Variants in OVCH1 observed in about 807,000 individuals in gnomAD.
OVCH1 encodes the protein ovochymase 1.
In OVCH1, 139 loss-of-function variants were observed where a neutral mutation model predicts 138.4. The observed-to-expected ratio is 1.00, with a 90% CI of 0.87 to 1.16. OVCH1 has a LOEUF of 1.16. Among genes scored for constraint, OVCH1 ranks in the 50% most tolerant of loss-of-function variants. The pLI is 0.00. For synonymous variants in OVCH1, 453 were observed against 467.8 expected (o/e 0.97, Z 0.41); for missense variants, 1,367 against 1,357.9 (o/e 1.01, Z -0.11).
chr12:29,473,841 TA>T (rs1245345014), intron 14 of OVCH1, among the ~76,000 whole-genome samples: 1 of 152,116 alleles, frequency 6.6e-6, no homozygotes, highest in Non-Finnish European at 1.5e-5. Context: ...GGGCACAATC[TA>T]ATCAGCTTCC....
At chr12:29,426,335 GT>G (rs1386442873), downstream of OVCH1, among the ~76,000 whole-genome samples, 2 of 152,144 alleles carry the variant, frequency 1.3e-5, no homozygotes, top group African/African-American at 4.8e-5. Context: ...ACTTACATTA[GT>G]TTTAGTTTGT....
At chr12:29,476,988 G>A in intron 12 of OVCH1, 114 bp downstream of exon 12, 1 of 1,251,588 alleles carries the variant, frequency 8.0e-7, no homozygotes, top group Non-Finnish European at 1.1e-6. Context: ...AATGGCAAAT[G>A]GCTAAAAGAA....
chr12:29,465,482 A>G lies in OVCH1; in HGVS notation c.1857-263T>C, dbSNP rs74530441. ...CAGAAGAGAGAGAGCAAAGGAAGCCACACACTTTTGAACCATCAGATCTTG... is the reference window on the plus strand; with the variant it reads ...CAGAAGAGAGAGAGCAAAGGAAGCCGCACACTTTTGAACCATCAGATCTTG... On this transcript the variant is annotated intron_variant, in intron 16 of 27. Coordinates refer to ENST00000318184, the Ensembl canonical transcript of OVCH1. Among the ~76,000 whole-genome samples, 1,102 of 152,242 alleles carry G rather than the reference A, an allele frequency of 7.2e-3. 11 individuals carry two copies. Among genetic ancestry groups the G allele is most frequent in the Admixed American group, 0.018 (270 of 15,282 alleles).
At chr12:29,463,064 A>T (rs565372279) in intron 18 of OVCH1, among the ~76,000 whole-genome samples, 108 of 152,298 alleles carry the variant, frequency 7.1e-4, no homozygotes, top group African/African-American at 2.5e-3. Context: ...CATTTATTCA[A>T]GGGCTTTGAA....
chr12:29,418,578 A>C (rs1280246080), intron 3 of OVCH1, among the ~76,000 whole-genome samples: 1 of 152,212 alleles, frequency 6.6e-6, no homozygotes, highest in African/African-American at 2.4e-5. Flanking sequence ...CAAAGGTTCA[A>C]AATATAGAAG....
chr12:29,462,506 AAAGAT>A (rs1366092467), intron 18 of OVCH1, among the ~76,000 whole-genome samples: 1 of 151,802 alleles, frequency 6.6e-6, no homozygotes, highest in African/African-American at 2.4e-5. Flanking sequence ...ATCTCCAATT[AAAGAT>A]AACACTGAAT....
At chr12:29,464,563 T>C in exon 18 of OVCH1, 1 of 1,613,622 alleles carries the variant, frequency 6.2e-7, no homozygotes, top group Non-Finnish European at 8.5e-7. Flanking sequence ...AAATAGAGGC[T>C]CTGCGCTGTG....
chr12:29,484,077 G>C (rs894492298), intron 8 of OVCH1, among the ~76,000 whole-genome samples: 2 of 152,120 alleles, frequency 1.3e-5, no homozygotes, highest in African/African-American at 4.8e-5. Context: ...GTCTCAGTAC[G>C]ATTTTAAAAA....
chr12:29,430,981 C>T, intron 27 of OVCH1: 1 of 485,614 alleles, frequency 2.1e-6, no homozygotes, highest in Non-Finnish European at 4.1e-6. Flanking sequence ...TCTCCCAAGG[C>T]TATGATTGTA....
chr12:29,496,824 T>G, intron 1 of OVCH1, 150 bp from the exon 2 acceptor site: 1 of 610,128 alleles, frequency 1.6e-6, no homozygotes, highest in Admixed American at 3.3e-5. Context: ...CAATATTTTC[T>G]TCAGAATATC....
At chr12:29,464,474 G>T in intron 18 of OVCH1, 33 bp downstream of exon 18, 1 of 1,601,206 alleles carries the variant, frequency 6.2e-7, no homozygotes, top group Non-Finnish European at 8.5e-7. Flanking sequence ...ATAACAACTG[G>T]CATTAATGTT....
intron 4 of OVCH1, 74 bp downstream of exon 4, chr12:29,495,211 C>A: frequency 7.3e-7 from 1 of 1,365,530 alleles, no homozygotes; most frequent in South Asian, 1.3e-5. Context: ...GCCACACAGA[C>A]ATTAAAGTTA....
At chr12:29,411,067 C>T (rs766030813), downstream of OVCH1, among the ~76,000 whole-genome samples, 7 of 138,336 alleles carry the variant, frequency 5.1e-5, no homozygotes, top group East Asian at 8.4e-4. Flanking sequence ...CATCTTCCAT[C>T]GCTGATACCC....
chr12:29,431,361 C>T (rs1332233886), intron 27 of OVCH1, among the ~76,000 whole-genome samples: 1 of 152,012 alleles, frequency 6.6e-6, no homozygotes, highest in Non-Finnish European at 1.5e-5. Flanking sequence ...TCACTTGAGC[C>T]TGGGAGGTTG....
intron 3 of OVCH1, among the ~76,000 whole-genome samples, chr12:29,421,423 T>TA (rs1407937487): frequency 5.3e-5 from 8 of 152,234 alleles, no homozygotes; most frequent in Non-Finnish European, 1.2e-4. Context: ...AGATGAGACT[T>TA]ACCTTTTCTT....
At chr12:29,428,201 T>G (rs1941210918) in intron 27 of OVCH1, among the ~76,000 whole-genome samples, 1 of 152,190 alleles carries the variant, frequency 6.6e-6, no homozygotes. Context: ...AATGAGGAAC[T>G]GCTACTGCTT....
chr12:29,489,524 C>A, intron 6 of OVCH1, 96 bp downstream of exon 6: 2 of 1,323,922 alleles, frequency 1.5e-6, no homozygotes, highest in Non-Finnish European at 2.0e-6. Context: ...AATTTTGACA[C>A]AGTAATAGAA....
In OVCH1 at chr12:29,464,489, C is replaced by T; in HGVS notation, c.2125+18G>A. 1 of 1,610,682 alleles carries T rather than the reference C, an allele frequency of 6.2e-7. No individual in the cohort carries two copies. The highest frequency in any genetic ancestry group is 8.5e-7 in the Non-Finnish European group (1 of 1,178,206). ...ATAACAACTGGCATTAATGTTTATG[C>T]AACAAAAATATGCTTACCTGCACTG... On this transcript the variant is annotated intron_variant, in intron 18 of 27. Transcript: ENST00000318184.
rs529758674 is a variant in OVCH1, at chr12:29,471,970, A to G, written c.1688T>C (p.Ile563Thr). The stretch of plus-strand genomic sequence containing the variant: ...AAGCCACTGGGGACTAAATGGAGGG[A>G]TGCCACAGACATCTACAGTAAAGAT... Residue 563 changes from isoleucine (I) to threonine (T), a missense_variant, in exon 16 of 28, where the codon ATC (isoleucine) becomes ACC (threonine). Physicochemically the swap from Ile to Thr is moderately conservative, Grantham distance 89. Coordinates refer to ENST00000318184, the Ensembl canonical transcript of OVCH1. 512 of 1,611,536 alleles carry G rather than the reference A, an allele frequency of 3.2e-4. 7 individuals are homozygous for G. The South Asian group carries it at 5.3e-3, about 17-fold the overall frequency.
Sources: allele counts gnomAD v4.1 joint callset (sites outside exome capture counted in the v4.1 genomes callset), GRCh38; gene constraint gnomAD v4.1.1; transcripts MANE v1.5; gene names NCBI Gene and HGNC (gene_info 2026-07-23, HGNC 2026-07-21).